Variants in VGLL4 observed in about 807,000 individuals in gnomAD.
VGLL4 encodes the protein vestigial like family member 4, also known as transcription cofactor vestigial-like protein 4.
VGLL4 carries 7 observed loss-of-function variants against 21.0 expected under a neutral mutation model. The observed-to-expected ratio is 0.33, with a 90% confidence interval of 0.19 to 0.63. The LOEUF (loss-of-function observed/expected upper bound fraction) is 0.63, where lower values mean the gene tolerates loss of function less well. Ranked by LOEUF, VGLL4 falls within the 20% of genes least tolerant of loss-of-function variation. The pLI, the probability that VGLL4 is intolerant of heterozygous loss-of-function variation, is 0.78. For missense variants in VGLL4, 394 were observed against 425.7 expected (o/e 0.93, Z 0.66); for synonymous variants, 222 against 173.2 (o/e 1.28, Z -2.21).
chr3:11,663,613 G>C (rs546229043), intron 2 of VGLL4, among the ~76,000 whole-genome samples: 6 of 152,198 alleles, frequency 3.9e-5, no homozygotes, highest in Admixed American at 1.3e-4. Flanking sequence ...AGCTACTTGG[G>C]AGGCTGAGGC....
chr3:11,700,220 C>G (rs1451402383), intron 2 of VGLL4, among the ~76,000 whole-genome samples: 9 of 152,098 alleles, frequency 5.9e-5, no homozygotes, highest in African/African-American at 1.9e-4. Flanking sequence ...ACAGAATGAT[C>G]AAAAGAGGAG....
intron 1 of VGLL4, among the ~76,000 whole-genome samples, chr3:11,640,732 T>C (rs1327797457): frequency 6.6e-6 from 1 of 151,946 alleles, no homozygotes; most frequent in Non-Finnish European, 1.5e-5. Context: ...ATCTAAGCAA[T>C]ATGGAGTCAG....
chr3:11,582,495 G>A, intron 2 of VGLL4: 1 of 830,120 alleles, frequency 1.2e-6, no homozygotes, highest in Non-Finnish European at 1.8e-6. Flanking sequence ...ATGGGTCCTG[G>A]GGTAGGTCAG....
chr3:11,570,568 TA>T lies in VGLL4; in HGVS notation c.273-5550del, dbSNP rs563842639. ...TACCAGATGTTCTAATAACTGTCCA[TA>T]GAGTAAATAAATCATTAAGGTACAC... On this transcript the variant is annotated intron_variant, in intron 2 of 4. Transcript: ENST00000430365. Among the ~76,000 whole-genome samples, 34 of 152,226 alleles carry T rather than the reference TA, an allele frequency of 2.2e-4. No individual in the cohort carries two copies. In the East Asian group the frequency reaches 6.6e-3, roughly 29 times the overall value.
At chr3:11,663,651 G>C (rs924636660) in intron 2 of VGLL4, among the ~76,000 whole-genome samples, 1 of 152,168 alleles carries the variant, frequency 6.6e-6, no homozygotes, top group Non-Finnish European at 1.5e-5. Flanking sequence ...CTGGAACACA[G>C]TGGTTGCAGT....
Position 11,565,163 on chromosome 3 carries a change from G to A in VGLL4, c.273-144C>T. 1.2e-6 allele frequency: 1 copy of A among 847,978 alleles called. No homozygotes were observed. Among genetic ancestry groups the A allele is most frequent in the South Asian group, 3.0e-5 (1 of 33,642 alleles). 52.5% of individuals were successfully genotyped at this position (847,978 alleles called of 1,614,324 possible). A position where few individuals can be genotyped will look rare whatever the true frequency, so the allele number is the denominator to read the frequency against. Reference sequence around the variant, plus strand: ...GGCTGGGCAGCACGATGAGGAGCCGGTTGCCAGCCCGGGTCAGCCGGACAC... The same window carrying A: ...GGCTGGGCAGCACGATGAGGAGCCGATTGCCAGCCCGGGTCAGCCGGACAC... On this transcript the variant is annotated intron_variant, in intron 2 of 4. Coordinates refer to ENST00000430365, the MANE Select transcript of VGLL4 (RefSeq NM_001128219.3). This position sits in a 1 kb window ranked among gnomAD's most constrained non-coding sequence, Gnocchi z 4.1.
intron 2 of VGLL4, among the ~76,000 whole-genome samples, chr3:11,675,394 G>C (rs921327688): frequency 4.0e-5 from 6 of 151,894 alleles, no homozygotes; most frequent in Non-Finnish European, 8.8e-5. Flanking sequence ...GGCCAGAACA[G>C]GCATGAACTA....
chr3:11,567,362 C>G (rs1184620848), intron 2 of VGLL4, among the ~76,000 whole-genome samples: 3 of 152,068 alleles, frequency 2.0e-5, no homozygotes, highest in Admixed American at 6.5e-5. Context: ...TGTACAGGAC[C>G]CAGTATTCGT....
At chr3:11,644,900 T>C (rs377656198), upstream of VGLL4, among the ~76,000 whole-genome samples, 11 of 142,812 alleles carry the variant, frequency 7.7e-5, no homozygotes, top group East Asian at 6.1e-4. Flanking sequence ...GGAGAAGAGA[T>C]GGAAGAGTGT....
intron 2 of VGLL4, among the ~76,000 whole-genome samples, chr3:11,669,670 G>C (rs960639029): frequency 9.2e-5 from 14 of 151,936 alleles, no homozygotes; most frequent in African/African-American, 1.7e-4. Context: ...TAAGGAATTA[G>C]AATAACTTTT....
In VGLL4 at chr3:11,649,894, T is replaced by TTCG. The variant is rs1559923471; in HGVS notation, c.65-47873_65-47872insCGA. Among the ~76,000 whole-genome samples the TTCG allele has an allele frequency of 5.2e-5, 7 of 134,996 alleles. No homozygotes were observed. The South Asian group carries it at 1.7e-3, about 33-fold the overall frequency. 88.6% of individuals were successfully genotyped at this position (134,996 alleles called of 152,430 possible). A position where few individuals can be genotyped will look rare whatever the true frequency, so the allele number is the denominator to read the frequency against. ...ACTCCCCCACAGCACACAAGTGCTC[T>TTCG]ATTTGGTTTGGTTTGGTTTGGTTTG... On this transcript the variant is annotated intron_variant, in intron 2 of 5. Coordinates refer to the VGLL4 transcript ENST00000273038.
chr3:11,574,679 G>A (rs2125196369), intron 2 of VGLL4, among the ~76,000 whole-genome samples: 1 of 152,218 alleles, frequency 6.6e-6, no homozygotes, highest in South Asian at 2.1e-4. Context: ...AACGATTAAT[G>A]TTTGATGGAG....
At position 11,565,670 on chromosome 3, in the gene VGLL4, C is replaced by G. The variant is rs761263183; in HGVS notation, c.273-651G>C. 1.3e-5 allele frequency among the ~76,000 whole-genome samples: 2 copies of G among 152,186 alleles called. No homozygotes were observed. Among genetic ancestry groups the G allele is most frequent in the Non-Finnish European group, 2.9e-5 (2 of 68,030 alleles). On this transcript the variant is annotated intron_variant, in intron 2 of 4. Transcript: ENST00000430365. This position sits in a 1 kb window ranked among gnomAD's most constrained non-coding sequence, Gnocchi z 4.1. The stretch of plus-strand genomic sequence containing the variant: ...GCGCAGCTCTCTCGTCCAGGACACA[C>G]GAGCAGGAGTGACCTGCGTCCAGAA...
intron 2 of VGLL4, among the ~76,000 whole-genome samples, chr3:11,573,949 C>G (rs2073952055): frequency 6.6e-6 from 1 of 152,162 alleles, no homozygotes; most frequent in Admixed American, 6.5e-5. Flanking sequence ...GATACAGTGA[C>G]AGACACATAC....
intron 2 of VGLL4, among the ~76,000 whole-genome samples, chr3:11,661,826 A>G (rs927584653): frequency 4.6e-5 from 7 of 152,220 alleles, no homozygotes; most frequent in Non-Finnish European, 1.0e-4. Context: ...TCCCTGAAAC[A>G]GGAACTCAAA....
chr3:11,560,702 C>G (rs1326930616), intron 3 of VGLL4, among the ~76,000 whole-genome samples: 1 of 152,162 alleles, frequency 6.6e-6, no homozygotes, highest in Non-Finnish European at 1.5e-5. Context: ...GGGGATGTGG[C>G]TTAGCAACAG....
At chr3:11,665,106 T>C (rs797005506) in intron 2 of VGLL4, among the ~76,000 whole-genome samples, 1,989 of 92,034 alleles carry the variant, frequency 0.022, 44 homozygotes, top group South Asian at 0.044. Context: ...TTTTTCTTTT[T>C]TTTTTTTTTT....
chr3:11,652,580 C>G (rs2075891166), intron 2 of VGLL4, among the ~76,000 whole-genome samples: 1 of 152,092 alleles, frequency 6.6e-6, no homozygotes, highest in African/African-American at 2.4e-5. Flanking sequence ...GCCACCACGC[C>G]CGGGTAATTT....
chr3:11,681,844 C>CT, intron 2 of VGLL4, among the ~76,000 whole-genome samples: 1 of 152,304 alleles, frequency 6.6e-6, no homozygotes, highest in African/African-American at 2.4e-5. Context: ...AGCATAGCTG[C>CT]TGCACAGGTC....
Sources: gnomAD v4.1 joint callset for allele counts (sites outside exome capture counted in the v4.1 genomes callset) on GRCh38, gnomAD v4.1.1 for gene constraint, Gnocchi (gnomAD v3.1) non-coding constraint, MANE v1.5 for transcripts, NCBI Gene and HGNC (gene_info 2026-07-23, HGNC 2026-07-21) for gene names.